CSMD1: variants seen among roughly 807,000 people sequenced by gnomAD.
CSMD1 encodes the protein CUB and Sushi multiple domains 1, also known as CUB and sushi domain-containing protein 1.
CSMD1 carries 213 observed loss-of-function variants against 417.5 expected under a neutral mutation model. The ratio of observed to expected loss-of-function variants is 0.51; its 90% CI spans 0.46 to 0.57. CSMD1 has a LOEUF of 0.57. Among genes scored for constraint, CSMD1 ranks in the 20% least tolerant of loss-of-function variants. The pLI, the probability that CSMD1 is intolerant of heterozygous loss-of-function variation, is 0.00. For missense variants in CSMD1, 6,923 were observed against 4,529.7 expected (o/e 1.53, Z -15.17); for synonymous variants, 2,862 against 1,736.8 (o/e 1.65, Z -16.11).
chr8:4,355,390 A>G (rs1056070190), intron 3 of CSMD1, among the ~76,000 whole-genome samples: 4 of 152,064 alleles, frequency 2.6e-5, no homozygotes, highest in Non-Finnish European at 4.4e-5. Context: ...ATGACGCGTT[A>G]AGAGTGTTCT....
intron 29 of CSMD1, among the ~76,000 whole-genome samples, chr8:3,215,180 C>G (rs1282397919): frequency 1.3e-5 from 2 of 152,174 alleles, no homozygotes; most frequent in Non-Finnish European, 2.9e-5. Context: ...GTTAAGAGCA[C>G]TTTCTTATAC....
At chr8:3,502,827 G>A (rs1238513167) in intron 10 of CSMD1, among the ~76,000 whole-genome samples, 4 of 152,146 alleles carry the variant, frequency 2.6e-5, no homozygotes, top group Non-Finnish European at 4.4e-5. Context: ...GTAAATAGCA[G>A]CCGGAGTGAG....
chr8:4,672,754 C>G (rs1805406410), intron 1 of CSMD1, among the ~76,000 whole-genome samples: 1 of 151,614 alleles, frequency 6.6e-6, no homozygotes, highest in South Asian at 2.1e-4. Flanking sequence ...CAGTGACATA[C>G]CCAGTCACAT....
chr8:4,925,555 C>CT (rs1173211677), intron 1 of CSMD1, among the ~76,000 whole-genome samples: 23 of 130,426 alleles, frequency 1.8e-4, no homozygotes, highest in South Asian at 1.5e-3. Context: ...TTTCTTTTTT[C>CT]TTTTTTTTTG....
intron 41 of CSMD1, among the ~76,000 whole-genome samples, chr8:3,140,247 AAGAG>A (rs755829324): frequency 6.6e-6 from 1 of 152,110 alleles, no homozygotes; most frequent in Non-Finnish European, 1.5e-5. Context: ...TCCATTGAAA[AAGAG>A]AGAGAGCAGA....
At chr8:3,548,659 TACACACACACACACACACACAC>T (rs146360407) in intron 10 of CSMD1, among the ~76,000 whole-genome samples, 2 of 133,002 alleles carry the variant, frequency 1.5e-5, no homozygotes, top group African/African-American at 2.9e-5. Context: ...TATTCCATCA[TACACACACACACACACACACAC>T]ACACACACAC....
intron 1 of CSMD1, among the ~76,000 whole-genome samples, chr8:4,750,947 C>T (rs1347256703): frequency 6.6e-6 from 1 of 152,174 alleles, no homozygotes; most frequent in Non-Finnish European, 1.5e-5. Context: ...TTGGTGCTTA[C>T]AGCCATGTCT....
intron 41 of CSMD1, among the ~76,000 whole-genome samples, chr8:3,142,066 G>A (rs1010118630): frequency 1.3e-5 from 2 of 152,030 alleles, no homozygotes; most frequent in African/African-American, 4.8e-5. Flanking sequence ...CAAAGTGCTG[G>A]GATTACAGGC....
chr8:3,876,227 C>T (rs76462627), intron 5 of CSMD1, among the ~76,000 whole-genome samples: 4 of 152,160 alleles, frequency 2.6e-5, no homozygotes, highest in Non-Finnish European at 4.4e-5. Flanking sequence ...CCCCTGATAT[C>T]GCTAAGCCAG....
intron 54 of CSMD1, among the ~76,000 whole-genome samples, chr8:2,980,479 C>T (rs544815943): frequency 1.3e-5 from 2 of 152,110 alleles, no homozygotes; most frequent in East Asian, 3.9e-4. Context: ...TCTTTCTCCT[C>T]CTCCTTCTCT....
chr8:3,671,003 T>TA (rs1563255990), intron 7 of CSMD1, among the ~76,000 whole-genome samples: 3 of 140,224 alleles, frequency 2.1e-5, no homozygotes, highest in Non-Finnish European at 3.2e-5. Context: ...TATATATGTA[T>TA]GGGATATATA....
chr8:4,377,872 G>A (rs974237675), intron 3 of CSMD1, among the ~76,000 whole-genome samples: 19 of 152,266 alleles, frequency 1.2e-4, no homozygotes, highest in East Asian at 3.9e-4. Flanking sequence ...GATTACTGCC[G>A]AAATGAATTG....
chr8:3,918,832 T>C (rs891120775), intron 5 of CSMD1, among the ~76,000 whole-genome samples: 11 of 151,982 alleles, frequency 7.2e-5, no homozygotes, highest in Non-Finnish European at 1.3e-4. Flanking sequence ...ACTATGAGGA[T>C]GCAAAGATAA....
chr8:3,892,909 C>A (rs1287464415), intron 5 of CSMD1, among the ~76,000 whole-genome samples: 1 of 151,464 alleles, frequency 6.6e-6, no homozygotes, highest in Non-Finnish European at 1.5e-5. Flanking sequence ...GTGGACAGAG[C>A]AAGAGGCCTC....
chr8:3,406,523 A>T (rs989678155), intron 14 of CSMD1, among the ~76,000 whole-genome samples: 4 of 152,092 alleles, frequency 2.6e-5, no homozygotes, highest in Non-Finnish European at 5.9e-5. Context: ...GGGTGGTAGA[A>T]AGTGTCTGGG....
At position 4,546,340 on chromosome 8, in the gene CSMD1, AG is replaced by A. The variant is rs1797631224; in HGVS notation, c.302+91001del. The stretch of plus-strand genomic sequence containing the variant: ...TTTCTGTGTCAACTTCACTGGGGTA[AG>A]GGTTGCCCAGATAGCTGGTAAAAGA... On this transcript the variant is annotated intron_variant, in intron 2 of 69. Transcript: ENST00000635120. Among the ~76,000 whole-genome samples the A allele has an allele frequency of 2.6e-5, 4 of 152,258 alleles. No individual in the cohort carries two copies. The South Asian group carries it at 8.3e-4, about 32-fold the overall frequency.
At chr8:3,068,490 G>A (rs1209236234) in intron 49 of CSMD1, among the ~76,000 whole-genome samples, 1 of 152,176 alleles carries the variant, frequency 6.6e-6, no homozygotes, top group African/African-American at 2.4e-5. Flanking sequence ...ATATGCACAT[G>A]TGTATTAGGC....
At position 3,980,794 on chromosome 8, in the gene CSMD1, T is replaced by C. The variant is rs568246037; in HGVS notation, c.818+17109A>G. On this transcript the variant is annotated intron_variant, in intron 5 of 69. Transcript: ENST00000635120. ...GCGACATTCTCACTTAGACTGGGGATACATACCCCTTGGCCAACCACTAAT... is the reference window on the plus strand; with the variant it reads ...GCGACATTCTCACTTAGACTGGGGACACATACCCCTTGGCCAACCACTAAT... Among the ~76,000 whole-genome samples, 11 of 152,314 alleles carry C rather than the reference T, an allele frequency of 7.2e-5. No individual in the cohort carries two copies. The East Asian group carries it at 2.1e-3, about 29-fold the overall frequency.
chr8:3,225,948 C>G (rs142619288), intron 27 of CSMD1, among the ~76,000 whole-genome samples: 33 of 152,310 alleles, frequency 2.2e-4, no homozygotes, highest in African/African-American at 6.7e-4. Context: ...TCCACCTATT[C>G]TTTTCGACCC....
Sources: allele counts gnomAD v4.1 joint callset (sites outside exome capture counted in the v4.1 genomes callset), GRCh38; gene constraint gnomAD v4.1.1; transcripts MANE v1.5; gene names NCBI Gene and HGNC (gene_info 2026-07-23, HGNC 2026-07-21).